Variants in FUT8 observed in about 807,000 individuals in gnomAD.
FUT8 encodes fucosyltransferase 8, also known as alpha-(1,6)-fucosyltransferase.
A neutral mutation model predicts 71.3 loss-of-function variants in FUT8; 29 were observed. That is an observed-to-expected ratio of 0.41 (90% CI 0.30 to 0.55). The LOEUF (loss-of-function observed/expected upper bound fraction) is 0.55, where lower values mean the gene tolerates loss of function less well. Among genes scored for constraint, FUT8 ranks in the 20% least tolerant of loss-of-function variants. FUT8 has a pLI of 0.34. For missense variants in FUT8, 544 were observed against 702.1 expected, an observed-to-expected ratio of 0.77 and a Z score of 2.55; for synonymous variants, 254 against 239.3, an observed-to-expected ratio of 1.06 and a Z score of -0.57.
chr14:65,719,635 G>T (rs1895303721), intron 7 of FUT8, among the ~76,000 whole-genome samples: 1 of 152,178 alleles, frequency 6.6e-6, no homozygotes, highest in African/African-American at 2.4e-5. Context: ...TTGTGATCCA[G>T]TTTTGGTCAT....
chr14:65,549,020 A>G (rs1056027255), intron 2 of FUT8, among the ~76,000 whole-genome samples: 1 of 152,188 alleles, frequency 6.6e-6, no homozygotes, highest in African/African-American at 2.4e-5. Context: ...ACACATTGCA[A>G]CCACACTTTG....
intron 7 of FUT8, among the ~76,000 whole-genome samples, chr14:65,701,501 G>A (rs187388290): frequency 6.6e-6 from 1 of 152,222 alleles, no homozygotes; most frequent in East Asian, 1.9e-4. Context: ...GACTGTCACA[G>A]GACAGCTGAT....
the FUT8 span, among the ~76,000 whole-genome samples, chr14:65,369,193 T>C: frequency 2.0e-5 from 3 of 152,034 alleles, no homozygotes; most frequent in Admixed American, 6.5e-5. The surrounding 1 kb of genome is among the most constrained non-coding windows in gnomAD (Gnocchi z 4.6). Flanking sequence ...GCCTTACAGA[T>C]TAGGTGAATG....
rs1455084279 is a variant in FUT8, at chr14:65,743,039, T to G, written c.*629T>G. The G allele has an allele frequency of 3.3e-5, 5 of 151,986 alleles. No individual in the cohort carries two copies. The highest frequency in any genetic ancestry group is 1.2e-4 in the African/African-American group (5 of 41,290). 9.4% of individuals were successfully genotyped at this position (151,986 alleles called of 1,614,324 possible). A position where few individuals can be genotyped will look rare whatever the true frequency, so the allele number is the denominator to read the frequency against. Reference sequence around the variant, plus strand: ...ATACATCAGAAAATAAAATATTCACTCTCCATTAGAAAATTTTGTAAAACA... The same window carrying G: ...ATACATCAGAAAATAAAATATTCACGCTCCATTAGAAAATTTTGTAAAACA... On this transcript the variant is annotated 3_prime_UTR_variant, in exon 11 of 11. Coordinates refer to ENST00000673929, the MANE Select transcript of FUT8 (RefSeq NM_001371533.1).
intron 2 of FUT8, among the ~76,000 whole-genome samples, chr14:65,538,830 G>T (rs1158528873): frequency 6.6e-6 from 1 of 152,182 alleles, no homozygotes; most frequent in Non-Finnish European, 1.5e-5. Context: ...TGAGGCAGGA[G>T]AATTGCTTGA....
At chr14:65,677,151 T>TGTGCGCGCGCGCGCGCAC in intron 7 of FUT8, among the ~76,000 whole-genome samples, 23 of 110,742 alleles carry the variant, frequency 2.1e-4, no homozygotes, top group Non-Finnish European at 3.8e-4. Context: ...TGTGTGTGTG[T>TGTGCGCGCGCGCGCGCAC]GCGCGCGCGC....
the FUT8 span, among the ~76,000 whole-genome samples, chr14:65,404,376 C>G: frequency 8.7e-5 from 13 of 149,982 alleles, no homozygotes; most frequent in Non-Finnish European, 1.9e-4. Context: ...GTTTTGCCAT[C>G]TTGGCCAGGC....
intron 7 of FUT8, among the ~76,000 whole-genome samples, chr14:65,695,331 ACAGT>A (rs1278257609): frequency 6.6e-6 from 1 of 152,174 alleles, no homozygotes; most frequent in African/African-American, 2.4e-5. Context: ...ATGTATTTTG[ACAGT>A]CAGTTGTTAG....
rs1336564199 is a variant in FUT8 at position 65,742,537 on chromosome 14, A to C, written c.*127A>C. 4.0e-6 allele frequency: 3 copies of C among 743,562 alleles called. No individual in the cohort carries two copies. Among genetic ancestry groups the C allele is most frequent in the East Asian group, 5.4e-5 (2 of 37,042 alleles). The allele number at this position is 743,562 out of a possible 1,614,324, so 46.1% of individuals were successfully genotyped here. A position where few individuals can be genotyped will look rare whatever the true frequency, so the allele number is the denominator to read the frequency against. On this transcript the variant is annotated 3_prime_UTR_variant, in exon 11 of 11. Coordinates refer to ENST00000673929, the MANE Select transcript of FUT8 (RefSeq NM_001371533.1). ...TAAGGTTATATGAGTAGATACTCTCAGCACCAAGAGCAGCTGGGAACTGAC... is the reference window on the plus strand; with the variant it reads ...TAAGGTTATATGAGTAGATACTCTCCGCACCAAGAGCAGCTGGGAACTGAC...
intron 3 of FUT8, among the ~76,000 whole-genome samples, chr14:65,594,778 G>T (rs770995059): frequency 6.6e-6 from 1 of 152,094 alleles, no homozygotes; most frequent in Non-Finnish European, 1.5e-5. Context: ...CTGAAGTCAA[G>T]TTGCCTCATC....
intron 5 of FUT8, chr14:65,617,242 G>A: frequency 6.8e-7 from 1 of 1,460,442 alleles, no homozygotes; most frequent in Non-Finnish European, 9.0e-7. Context: ...TAATGATTTT[G>A]AAAAATTGCT....
At chr14:65,455,045 G>A (rs950364985) in intron 1 of FUT8, among the ~76,000 whole-genome samples, 8 of 152,120 alleles carry the variant, frequency 5.3e-5, no homozygotes, top group Non-Finnish European at 1.0e-4. Flanking sequence ...AAAGTTGATG[G>A]ATATGCATTG....
chr14:65,509,003 C>G (rs1023856619), intron 2 of FUT8, among the ~76,000 whole-genome samples: 2 of 152,034 alleles, frequency 1.3e-5, no homozygotes, highest in African/African-American at 4.8e-5. Flanking sequence ...TTGCCCAGAC[C>G]GATACCCTGG....
At position 65,628,918 on chromosome 14, in the gene FUT8, G is replaced by A. The variant is rs570125328; in HGVS notation, c.483-574G>A. ...ATTCATTTGCATATTATCTATGGCA[G>A]CTTTCTGCTACAAAGGCAAAGGATC... On this transcript the variant is annotated intron_variant, in intron 5 of 10. Coordinates refer to ENST00000673929, the MANE Select transcript of FUT8 (RefSeq NM_001371533.1). 3.0e-4 allele frequency among the ~76,000 whole-genome samples: 46 copies of A among 152,326 alleles called. 1 individual carries two copies. Among genetic ancestry groups the A allele is most frequent in the African/African-American group, 1.1e-3 (45 of 41,560 alleles).
At chr14:65,370,038 G>A in the FUT8 span, among the ~76,000 whole-genome samples, 1 of 151,450 alleles carries the variant, frequency 6.6e-6, no homozygotes, top group Admixed American at 6.6e-5. Context: ...AGTCATTTAT[G>A]AAATTATAAT....
At chr14:65,633,006 C>CA (rs1226464346) in intron 6 of FUT8, among the ~76,000 whole-genome samples, 1 of 109,120 alleles carries the variant, frequency 9.2e-6, no homozygotes, top group Non-Finnish European at 1.8e-5. Flanking sequence ...CTCTCCCCTC[C>CA]CCCCCCCCGT....
At chr14:65,712,124 G>C (rs1894836294) in intron 7 of FUT8, among the ~76,000 whole-genome samples, 1 of 151,952 alleles carries the variant, frequency 6.6e-6, no homozygotes, top group Non-Finnish European at 1.5e-5. Flanking sequence ...AATATTTTTT[G>C]TTATCAAAAA....
chr14:65,421,711 A>G (rs1422743715), intron 1 of FUT8, among the ~76,000 whole-genome samples: 1 of 142,870 alleles, frequency 7.0e-6, no homozygotes, highest in African/African-American at 2.6e-5. Flanking sequence ...AATTTCTCCA[A>G]GATTTGTATC....
intron 7 of FUT8, among the ~76,000 whole-genome samples, chr14:65,717,071 G>GAA (rs2139334201): frequency 7.1e-6 from 1 of 141,090 alleles, no homozygotes; most frequent in East Asian, 2.2e-4. Flanking sequence ...CTTCCCAGAT[G>GAA]GGGCGGCCGG....
Sources: allele counts gnomAD v4.1 joint callset (sites outside exome capture counted in the v4.1 genomes callset), GRCh38; gene constraint gnomAD v4.1.1; non-coding constraint Gnocchi (gnomAD v3.1); transcripts MANE v1.5; gene names NCBI Gene and HGNC (gene_info 2026-07-23, HGNC 2026-07-21).